TRPM3: variants seen among roughly 807,000 people sequenced by gnomAD.
TRPM3 encodes the protein long transient receptor potential channel 3.
A neutral mutation model predicts 181.2 loss-of-function variants in TRPM3; 77 were observed. The observed-to-expected ratio is 0.42, with a 90% CI of 0.35 to 0.51. The LOEUF is 0.51. Ranked by LOEUF, TRPM3 falls within the 20% of genes least tolerant of loss-of-function variation. The pLI, the probability that TRPM3 is intolerant of heterozygous loss-of-function variation, is 0.01. For missense variants in TRPM3, 1,759 were observed against 2,196.7 expected, an observed-to-expected ratio of 0.80 and a Z score of 3.98; for synonymous variants, 745 against 796.4, an observed-to-expected ratio of 0.94 and a Z score of 1.09.
At chr9:71,344,725 T>G (rs988953442) in intron 1 of TRPM3, among the ~76,000 whole-genome samples, 5 of 152,054 alleles carry the variant, frequency 3.3e-5, no homozygotes, top group African/African-American at 1.2e-4. Context: ...AACAAAAAAG[T>G]TATAAACTAG....
At chr9:70,915,746 T>A (rs114108251) in intron 1 of TRPM3, among the ~76,000 whole-genome samples, 1,613 of 151,000 alleles carry the variant, frequency 0.011, 29 homozygotes, top group African/African-American at 0.036. Context: ...CTAGAAAATA[T>A]CCTCAAAAAG....
rs1035381093 is a variant in TRPM3 at position 71,170,206 on chromosome 9, T to C, written c.183+276447A>G. Reference sequence around the variant, plus strand: ...AAATTAATGACTCAGGGGGAGAAAGTAACAAGGGCCAATGAACTAAGTTAC... The same window carrying C: ...AAATTAATGACTCAGGGGGAGAAAGCAACAAGGGCCAATGAACTAAGTTAC... On this transcript the variant is annotated intron_variant, in intron 1 of 24. Transcript: ENST00000357533. 2.6e-5 allele frequency among the ~76,000 whole-genome samples: 4 copies of C among 151,824 alleles called. No individual in the cohort carries two copies. In the East Asian group the frequency reaches 7.8e-4, roughly 29 times the overall value.
At chr9:70,760,890 G>T (rs981000271) in intron 8 of TRPM3, 1 of 152,270 alleles carries the variant, frequency 6.6e-6, no homozygotes, top group Admixed American at 6.5e-5. Flanking sequence ...AATGAGCCGG[G>T]TTTCCTCATC....
At chr9:70,560,256 T>C (rs1366998634) in intron 22 of TRPM3, among the ~76,000 whole-genome samples, 1 of 151,998 alleles carries the variant, frequency 6.6e-6, no homozygotes, top group Non-Finnish European at 1.5e-5. Context: ...ATTCCATATA[T>C]CCAAAAAATA....
At chr9:71,313,753 G>T (rs148475231) in intron 1 of TRPM3, among the ~76,000 whole-genome samples, 1 of 152,158 alleles carries the variant, frequency 6.6e-6, no homozygotes, top group East Asian at 1.9e-4. Flanking sequence ...TGACCTGAAG[G>T]ATATTTTATT....
At chr9:70,952,496 G>A (rs1462213427) in intron 1 of TRPM3, among the ~76,000 whole-genome samples, 1 of 152,154 alleles carries the variant, frequency 6.6e-6, no homozygotes, top group Non-Finnish European at 1.5e-5. Flanking sequence ...TACTTGTTTT[G>A]AGTTATCACA....
chr9:70,673,654 C>T (rs1010379164), intron 9 of TRPM3, among the ~76,000 whole-genome samples: 2 of 152,114 alleles, frequency 1.3e-5, no homozygotes, highest in African/African-American at 4.8e-5. Context: ...ATAGGATGGG[C>T]ACAGTGGCTC....
At chr9:71,221,983 T>C (rs1010303551) in intron 1 of TRPM3, among the ~76,000 whole-genome samples, 2 of 152,224 alleles carry the variant, frequency 1.3e-5, no homozygotes, top group Admixed American at 6.5e-5. Context: ...ATGTGGGTTC[T>C]TACATTTTTT....
intron 1 of TRPM3, among the ~76,000 whole-genome samples, chr9:71,407,910 T>G (rs1354068766): frequency 6.6e-6 from 1 of 152,222 alleles, no homozygotes; most frequent in Admixed American, 6.5e-5. Flanking sequence ...TTTGCTGTTC[T>G]GCAGTATTTG....
rs185102786 is a variant in TRPM3, at chr9:70,990,418, C to T, written c.178-125907G>A. On this transcript the variant is annotated intron_variant, in intron 1 of 25. Transcript: ENST00000677713. ...AGAGCCCAGACAATTCAATAAGTCA[C>T]GGTAAAACAAACAGTACAGTTTAAG... 1.6e-4 allele frequency among the ~76,000 whole-genome samples: 25 copies of T among 152,152 alleles called. 2 individuals carry two copies. The Middle Eastern group carries it at 0.017, about 104-fold the overall frequency.
At chr9:70,983,714 C>T (rs896315354) in intron 1 of TRPM3, among the ~76,000 whole-genome samples, 2 of 152,150 alleles carry the variant, frequency 1.3e-5, no homozygotes, top group African/African-American at 4.8e-5. Flanking sequence ...TAGAAGTGGA[C>T]ACCCTGTGTT....
intron 1 of TRPM3, among the ~76,000 whole-genome samples, chr9:71,289,176 A>C (rs2085561854): frequency 6.6e-6 from 1 of 152,138 alleles, no homozygotes; most frequent in Non-Finnish European, 1.5e-5. Context: ...AGAGAGAGAG[A>C]GAGAGACAGC....
intron 22 of TRPM3, among the ~76,000 whole-genome samples, chr9:70,588,526 G>A (rs771697847): frequency 9.9e-5 from 15 of 151,986 alleles, no homozygotes; most frequent in African/African-American, 9.7e-5. Flanking sequence ...GTCACTCTGC[G>A]AAGGTGTGTT....
In TRPM3 at chr9:70,625,756, A is replaced by G. The variant is rs1451317803; in HGVS notation, c.1633-239T>C. 6.6e-6 allele frequency among the ~76,000 whole-genome samples: 1 copy of G among 152,134 alleles called. No homozygotes were observed. The highest frequency in any genetic ancestry group is 2.4e-5 in the African/African-American group (1 of 41,420). On this transcript the variant is annotated intron_variant, in intron 12 of 25. Coordinates refer to ENST00000677713, the MANE Select transcript of TRPM3 (RefSeq NM_001366145.2). The surrounding 1 kb of genome is among the most constrained non-coding windows in gnomAD (Gnocchi z 4.8). The stretch of plus-strand genomic sequence containing the variant: ...CCAGGCCTGTTACCACTCTCTTGAT[A>G]TCATTTGGTTTCTACCACCCTTTAA...
chr9:70,654,979 G>A (rs932410002), intron 9 of TRPM3, among the ~76,000 whole-genome samples: 5 of 150,876 alleles, frequency 3.3e-5, no homozygotes, highest in Non-Finnish European at 5.9e-5. Flanking sequence ...CACTCTGTAG[G>A]TTTTACGGCA....
chr9:71,162,139 G>A (rs1015838520), intron 1 of TRPM3, among the ~76,000 whole-genome samples: 5 of 141,578 alleles, frequency 3.5e-5, no homozygotes, highest in African/African-American at 1.1e-4. Flanking sequence ...GGTGGAGGTT[G>A]CAGTGAGGTA....
chr9:70,567,787 G>A (rs1244704111), intron 22 of TRPM3, among the ~76,000 whole-genome samples: 1 of 152,204 alleles, frequency 6.6e-6, no homozygotes, highest in Non-Finnish European at 1.5e-5. Flanking sequence ...GCCAGTATTC[G>A]TGGGGGTATT....
At chr9:71,385,982 C>T (rs992094797) in intron 1 of TRPM3, among the ~76,000 whole-genome samples, 1 of 151,476 alleles carries the variant, frequency 6.6e-6, no homozygotes, top group Admixed American at 6.6e-5. Flanking sequence ...GCTGGGATTA[C>T]AGGCGTGAGC....
chr9:70,878,194 C>T (rs2095907192), intron 1 of TRPM3, among the ~76,000 whole-genome samples: 1 of 152,002 alleles, frequency 6.6e-6, no homozygotes, highest in Non-Finnish European at 1.5e-5. Flanking sequence ...TCTAATATCT[C>T]ACAGGGGAGA....
Sources: allele counts gnomAD v4.1 joint callset (sites outside exome capture counted in the v4.1 genomes callset), GRCh38; gene constraint gnomAD v4.1.1; non-coding constraint Gnocchi (gnomAD v3.1); transcripts MANE v1.5; gene names NCBI Gene and HGNC (gene_info 2026-07-23, HGNC 2026-07-21).